The following CMSS1 variants were observed in gnomAD, a reference collection of about 807,000 sequenced individuals.
The protein encoded by CMSS1 is cms1 ribosomal small subunit homolog.
A neutral mutation model predicts 43.5 loss-of-function variants in CMSS1; 33 were observed. That is an observed-to-expected ratio of 0.76 (90% CI 0.57 to 1.01). The LOEUF (loss-of-function observed/expected upper bound fraction) is 1.01. Among genes scored for constraint, CMSS1 ranks in the 50% least tolerant of loss-of-function variants. CMSS1 has a pLI of 0.00. For synonymous variants in CMSS1, 115 were observed against 117.2 expected (o/e 0.98, Z 0.12); for missense variants, 313 against 326.4 (o/e 0.96, Z 0.32).
At chr3:100,155,159 CCTAT>C (rs1474771686) in intron 2 of CMSS1, among the ~76,000 whole-genome samples, 5 of 152,104 alleles carry the variant, frequency 3.3e-5, no homozygotes, top group Non-Finnish European at 7.3e-5. Context: ...ACATGGTTCT[CCTAT>C]CTATTATACT....
At chr3:99,921,511 C>T (rs536764120) in intron 1 of CMSS1, among the ~76,000 whole-genome samples, 2 of 152,240 alleles carry the variant, frequency 1.3e-5, no homozygotes, top group African/African-American at 4.8e-5. Context: ...GTCACATATG[C>T]ATCAAGGGAG....
chr3:99,936,999 G>A (rs547002976), intron 1 of CMSS1, among the ~76,000 whole-genome samples: 8 of 151,976 alleles, frequency 5.3e-5, no homozygotes, highest in Admixed American at 2.0e-4. Flanking sequence ...GTGCAGTGGC[G>A]TGATCTCGGG....
intron 1 of CMSS1, among the ~76,000 whole-genome samples, chr3:100,056,602 CTAA>C (rs1340707207): frequency 1.3e-5 from 2 of 151,970 alleles, no homozygotes. Context: ...TTGTCATAAT[CTAA>C]TTAACACAGC....
At chr3:100,164,616 A>G (rs1249278244) in intron 4 of CMSS1, among the ~76,000 whole-genome samples, 3 of 152,162 alleles carry the variant, frequency 2.0e-5, no homozygotes. Context: ...GACACAATAA[A>G]CTGAGACATC....
intron 1 of CMSS1, among the ~76,000 whole-genome samples, chr3:99,923,451 A>G (rs1223980011): frequency 2.0e-5 from 3 of 152,126 alleles, no homozygotes; most frequent in African/African-American, 4.8e-5. Context: ...CCCATATTTC[A>G]TATGTTCCTG....
At chr3:100,032,261 G>T (rs577814531) in intron 1 of CMSS1, among the ~76,000 whole-genome samples, 2 of 152,286 alleles carry the variant, frequency 1.3e-5, no homozygotes, top group African/African-American at 4.8e-5. Flanking sequence ...GTTGGCCCTT[G>T]ATTCTGTTTT....
At chr3:100,122,959 G>A (rs2066633784) in intron 1 of CMSS1, among the ~76,000 whole-genome samples, 1 of 152,088 alleles carries the variant, frequency 6.6e-6, no homozygotes, top group Non-Finnish European at 1.5e-5. Context: ...CTATTCAACA[G>A]TTATTTATTA....
intron 1 of CMSS1, among the ~76,000 whole-genome samples, chr3:99,922,364 T>A (rs1707151388): frequency 6.6e-6 from 1 of 152,210 alleles, no homozygotes; most frequent in Non-Finnish European, 1.5e-5. Context: ...CCAGATTTCT[T>A]GTGCTCCTTT....
intron 1 of CMSS1, chr3:99,874,342 A>G (rs1406361638): frequency 6.6e-6 from 1 of 152,194 alleles, no homozygotes; most frequent in Non-Finnish European, 1.5e-5. Context: ...GATTCAGAAG[A>G]GCAGAATATC....
intron 1 of CMSS1, among the ~76,000 whole-genome samples, chr3:100,116,858 G>T (rs913679898): frequency 1.3e-5 from 2 of 152,052 alleles, no homozygotes; most frequent in Non-Finnish European, 2.9e-5. Context: ...AGTCTTTTTG[G>T]CCCCATCATC....
At chr3:100,099,064 A>G (rs1030132096) in intron 1 of CMSS1, among the ~76,000 whole-genome samples, 2 of 152,142 alleles carry the variant, frequency 1.3e-5, no homozygotes, top group Non-Finnish European at 2.9e-5. Context: ...ATTTCTACCA[A>G]TGATCATTTT....
chr3:99,847,347 CTT>C (rs879394535), intron 1 of CMSS1, among the ~76,000 whole-genome samples: 40 of 136,470 alleles, frequency 2.9e-4, no homozygotes, highest in Non-Finnish European at 3.2e-4. Context: ...ATGACATTTT[CTT>C]TTTTTTTTTT....
chr3:100,059,438 A>G (rs747376853), intron 1 of CMSS1, among the ~76,000 whole-genome samples: 9 of 152,044 alleles, frequency 5.9e-5, no homozygotes, highest in Non-Finnish European at 1.3e-4. Flanking sequence ...TCTTCACTCT[A>G]GCCTTGCTTC....
intron 1 of CMSS1, among the ~76,000 whole-genome samples, chr3:100,126,816 G>A (rs527434017): frequency 7.3e-4 from 111 of 152,248 alleles, no homozygotes; most frequent in Non-Finnish European, 8.7e-4. Context: ...GGCTAACACG[G>A]TGAAACTCCG....
chr3:99,916,429 A>C (rs1237018379), intron 1 of CMSS1, among the ~76,000 whole-genome samples: 2 of 138,506 alleles, frequency 1.4e-5, no homozygotes, highest in Non-Finnish European at 3.0e-5. Flanking sequence ...CTTTATAATA[A>C]CGGTTTATAC....
intron 1 of CMSS1, among the ~76,000 whole-genome samples, chr3:99,832,834 T>G (rs1246408198): frequency 2.1e-5 from 3 of 139,708 alleles, no homozygotes; most frequent in Non-Finnish European, 4.6e-5. Flanking sequence ...AGCAAGACTC[T>G]GTCTCAAAAA....
intron 1 of CMSS1, among the ~76,000 whole-genome samples, chr3:100,069,143 C>T (rs748288042): frequency 3.3e-5 from 5 of 152,138 alleles, no homozygotes; most frequent in Non-Finnish European, 7.4e-5. Flanking sequence ...TGTAAGGCTC[C>T]TACTCCTTTA....
chr3:100,036,834 A>G (rs961219187), intron 1 of CMSS1, among the ~76,000 whole-genome samples: 3 of 152,168 alleles, frequency 2.0e-5, no homozygotes, highest in African/African-American at 7.2e-5. Context: ...AGTAGAACAA[A>G]TTGACATCTT....
intron 1 of CMSS1, among the ~76,000 whole-genome samples, chr3:99,993,254 TA>T (rs1559717785): frequency 6.6e-6 from 1 of 152,102 alleles, no homozygotes; most frequent in Admixed American, 6.5e-5. Flanking sequence ...TACATTTTAA[TA>T]ATATTGATTC....
Sources: gnomAD v4.1 joint callset for allele counts (sites outside exome capture counted in the v4.1 genomes callset) on GRCh38, gnomAD v4.1.1 for gene constraint, MANE v1.5 for transcripts, NCBI Gene and HGNC (gene_info 2026-07-23, HGNC 2026-07-21) for gene names.